The following PEPD variants were observed in gnomAD, a reference collection of about 807,000 sequenced individuals.
PEPD encodes xaa-Pro dipeptidase.
Under a neutral mutation model 60.7 loss-of-function variants are expected in PEPD, and 53 were observed. That is an observed-to-expected ratio of 0.87 (90% CI 0.70 to 1.10). The LOEUF is 1.10. Ranked by LOEUF, PEPD falls within the 50% of genes least tolerant of loss-of-function variation. PEPD has a pLI of 0.00. For synonymous variants in PEPD, 267 were observed against 284.1 expected, an observed-to-expected ratio of 0.94 and a Z score of 0.60; for missense variants, 711 against 711.9, an observed-to-expected ratio of 1.00 and a Z score of 0.01.
intron 12 of PEPD, chr19:33,396,001 G>C (rs942385510): frequency 6.6e-6 from 1 of 152,478 alleles, no homozygotes; most frequent in Non-Finnish European, 1.5e-5. Flanking sequence ...GCAGGGTGCT[G>C]TGTTGGCCCA....
chr19:33,402,799 GCA>G (rs1413941451), intron 11 of PEPD, among the ~76,000 whole-genome samples: 1 of 152,198 alleles, frequency 6.6e-6, no homozygotes, highest in Non-Finnish European at 1.5e-5. Flanking sequence ...CTGGGGGCCA[GCA>G]GAGAGGCAGG....
At position 33,467,711 on chromosome 19, in the gene PEPD, A is replaced by C. The variant is rs143514332; in HGVS notation, c.549-3649T>G. On this transcript the variant is annotated intron_variant, in intron 7 of 14. Transcript: ENST00000244137. Reference sequence around the variant, plus strand: ...TTCGCTTTGGGGAGGGGTGGTGTGGAGAGAGATGAGCTGGCAGGAGTCGCT... The same window carrying C: ...TTCGCTTTGGGGAGGGGTGGTGTGGCGAGAGATGAGCTGGCAGGAGTCGCT... Among the ~76,000 whole-genome samples the C allele has an allele frequency of 2.9e-3, 435 of 152,296 alleles. 1 individual carries two copies. Among genetic ancestry groups the C allele is most frequent in the Non-Finnish European group, 4.7e-3 (322 of 68,006 alleles).
chr19:33,453,861 G>A (rs542441362), intron 9 of PEPD, among the ~76,000 whole-genome samples: 106 of 152,280 alleles, frequency 7.0e-4, no homozygotes, highest in African/African-American at 2.5e-3. Flanking sequence ...CCCAAACCAA[G>A]AACACTAGTC....
At chr19:33,406,867 G>A (rs1464954010) in intron 11 of PEPD, among the ~76,000 whole-genome samples, 1 of 151,948 alleles carries the variant, frequency 6.6e-6, no homozygotes, top group Non-Finnish European at 1.5e-5. Context: ...GAGGGGAAGA[G>A]GGCACTGGTG....
At chr19:33,452,650 T>C (rs116984266) in intron 9 of PEPD, among the ~76,000 whole-genome samples, 3 of 152,272 alleles carry the variant, frequency 2.0e-5, no homozygotes, top group Non-Finnish European at 4.4e-5. Context: ...ATTTTAAAAA[T>C]ATATGAGAAT....
intron 9 of PEPD, among the ~76,000 whole-genome samples, chr19:33,460,742 C>T (rs1202912769): frequency 2.6e-5 from 4 of 152,180 alleles, no homozygotes; most frequent in Non-Finnish European, 5.9e-5. Flanking sequence ...TGACCCGATG[C>T]CACTCAGCAC....
intron 5 of PEPD, among the ~76,000 whole-genome samples, chr19:33,492,183 G>A (rs945526642): frequency 6.6e-6 from 1 of 151,898 alleles, no homozygotes; most frequent in Non-Finnish European, 1.5e-5. Context: ...GAATTCTTTG[G>A]GGGCACACCA....
intron 9 of PEPD, among the ~76,000 whole-genome samples, chr19:33,453,317 A>AAAATAAT (rs1969732320): frequency 6.7e-6 from 1 of 148,656 alleles, no homozygotes; most frequent in African/African-American, 2.5e-5. Context: ...CTGTCATAAA[A>AAAATAAT]AAATAAATAA....
chr19:33,459,238 A>AC (rs907755836), intron 9 of PEPD, among the ~76,000 whole-genome samples: 15 of 152,084 alleles, frequency 9.9e-5, no homozygotes, highest in African/African-American at 2.9e-4. Context: ...GATTCTCATG[A>AC]CCCCCCAGAA....
chr19:33,387,989 G>A lies in PEPD; in HGVS notation c.1245C>T (p.Ile415=). 6.3e-7 allele frequency: 1 copy of A among 1,588,392 alleles called. No individual in the cohort carries two copies. The highest frequency in any genetic ancestry group is 1.1e-5 in the South Asian group (1 of 87,326). The part of the protein sequence containing the change: ...PGMVLTVEPG[I]YFIDHLLDEA... ...CATCCAGGAGGTGGTCGATGAAGTA[G>A]ATGCCCGGCTCCACGGTGAGCACCA... The change falls in exon 14 of 15, where the codon ATC becomes ATT. Residue 415 remains isoleucine (I), a synonymous_variant. Coordinates refer to ENST00000244137, the MANE Select transcript of PEPD (RefSeq NM_000285.4).
At chr19:33,425,130 G>A (rs917872086) in intron 9 of PEPD, among the ~76,000 whole-genome samples, 3 of 152,210 alleles carry the variant, frequency 2.0e-5, no homozygotes, top group African/African-American at 7.2e-5. Context: ...AGCACTTTGG[G>A]AGGCCGAGGC....
intron 12 of PEPD, among the ~76,000 whole-genome samples, 157 bp from the exon 13 acceptor site, chr19:33,391,636 A>G (rs984035437): frequency 6.6e-6 from 1 of 152,106 alleles, no homozygotes; most frequent in African/African-American, 2.4e-5. Context: ...GCCCAGGGGG[A>G]CAAGGACTAG....
chr19:33,394,721 G>A (rs1228803219), intron 12 of PEPD, among the ~76,000 whole-genome samples: 5 of 152,160 alleles, frequency 3.3e-5, no homozygotes, highest in East Asian at 1.9e-4. Context: ...TGGAGACACC[G>A]TCAAGCTCTC....
At chr19:33,407,561 G>C (rs1176833069) in intron 11 of PEPD, among the ~76,000 whole-genome samples, 4 of 152,236 alleles carry the variant, frequency 2.6e-5, no homozygotes, top group African/African-American at 9.6e-5. Flanking sequence ...GGCCTCCAGT[G>C]ATCTCAGGCA....
chr19:33,481,402 A>AC (rs140184977), intron 6 of PEPD, among the ~76,000 whole-genome samples: 63,321 of 151,554 alleles, frequency 0.42, 13,977 homozygotes, highest in African/African-American at 0.57. Context: ...CCCCATCTCT[A>AC]CGAAAATACA....
At chr19:33,413,233 C>T (rs1009310503) in intron 10 of PEPD, among the ~76,000 whole-genome samples, 1 of 152,252 alleles carries the variant, frequency 6.6e-6, no homozygotes, top group African/African-American at 2.4e-5. Context: ...ACAGCCCGGT[C>T]CCCACATGCT....
At chr19:33,513,905 C>A (rs1320491330) in intron 1 of PEPD, among the ~76,000 whole-genome samples, 2 of 151,814 alleles carry the variant, frequency 1.3e-5, no homozygotes. Context: ...TTCCTACCCA[C>A]CCCAGCCTCT....
intron 1 of PEPD, among the ~76,000 whole-genome samples, chr19:33,516,148 A>C (rs1971018823): frequency 6.6e-6 from 1 of 152,128 alleles, no homozygotes; most frequent in South Asian, 2.1e-4. Flanking sequence ...ACCAAGTAAT[A>C]AAGTTTTATA....
chr19:33,464,073 A>G lies in PEPD; in HGVS notation c.549-11T>C, dbSNP rs773530889. 1 of 1,603,194 alleles carries G rather than the reference A, an allele frequency of 6.2e-7. No homozygotes were observed. Among genetic ancestry groups the G allele is most frequent in the Non-Finnish European group, 8.5e-7 (1 of 1,170,638 alleles). ...GTCTTAAACACTCGGCTTCAGAGAC[A>G]GAAGAACAAAGCAGCAAATCAGTGA... On this transcript the variant is annotated splice_polypyrimidine_tract_variant and intron_variant, in intron 7 of 14. Coordinates refer to ENST00000244137, the MANE Select transcript of PEPD (RefSeq NM_000285.4).
Sources: allele counts gnomAD v4.1 joint callset (sites outside exome capture counted in the v4.1 genomes callset), GRCh38; gene constraint gnomAD v4.1.1; transcripts MANE v1.5; gene names NCBI Gene and HGNC (gene_info 2026-07-23, HGNC 2026-07-21).